Variants in NAV2 observed in about 807,000 individuals in gnomAD.
NAV2 encodes helicase, APC down-regulated 1.
NAV2 carries 54 observed loss-of-function variants against 223.2 expected under a neutral mutation model. The observed-to-expected ratio is 0.24, with a 90% confidence interval of 0.19 to 0.30. The LOEUF is 0.30. NAV2 is among the 10% of genes least tolerant of loss of function. The pLI is 1.00. For synonymous variants in NAV2, 1,279 were observed against 1,239.3 expected (o/e 1.03, Z -0.67); for missense variants, 2,806 against 3,147.5 (o/e 0.89, Z 2.60).
intron 1 of NAV2, among the ~76,000 whole-genome samples, chr11:19,779,082 T>G (rs1365867125): frequency 6.6e-6 from 1 of 152,212 alleles, no homozygotes; most frequent in Non-Finnish European, 1.5e-5. Flanking sequence ...GCTGCCCGTT[T>G]AGTCTATGGA....
intron 1 of NAV2, among the ~76,000 whole-genome samples, chr11:19,376,809 A>G (rs1022934919): frequency 2.0e-5 from 3 of 152,338 alleles, no homozygotes; most frequent in Admixed American, 2.0e-4. Flanking sequence ...AGCTCAGAGT[A>G]AGGGAAGGCT....
intron 22 of NAV2, among the ~76,000 whole-genome samples, chr11:20,076,865 A>G (rs2059788698): frequency 6.6e-6 from 1 of 152,242 alleles, no homozygotes; most frequent in African/African-American, 2.4e-5. Flanking sequence ...ATCTTATGTC[A>G]TATTCTAACA....
chr11:19,985,929 T>C (rs2050758426), intron 11 of NAV2, among the ~76,000 whole-genome samples: 1 of 126,250 alleles, frequency 7.9e-6, no homozygotes, highest in African/African-American at 2.7e-5. Context: ...AAAATCTTTA[T>C]AGTAAATAAT....
chr11:19,644,472 C>T (rs1281012129), intron 1 of NAV2, among the ~76,000 whole-genome samples: 2 of 152,210 alleles, frequency 1.3e-5, no homozygotes, highest in Admixed American at 1.3e-4. Context: ...GTGGTAGAGG[C>T]CTTTTGACTG....
At chr11:19,394,010 G>A (rs2729860) in intron 1 of NAV2, among the ~76,000 whole-genome samples, 3,122 of 150,490 alleles carry the variant, frequency 0.021, 92 homozygotes, top group African/African-American at 0.072. Flanking sequence ...AACCTGGAAC[G>A]TTTTCAGAGG....
At chr11:19,945,998 AG>A (rs1299217031) in intron 8 of NAV2, among the ~76,000 whole-genome samples, 1 of 152,262 alleles carries the variant, frequency 6.6e-6, no homozygotes, top group Non-Finnish European at 1.5e-5. Context: ...GGCCTAAGAT[AG>A]CTGCATATAT....
chr11:19,941,962 T>C (rs932656771), intron 8 of NAV2, among the ~76,000 whole-genome samples: 1 of 152,202 alleles, frequency 6.6e-6, no homozygotes, highest in Non-Finnish European at 1.5e-5. Flanking sequence ...ATTTTTTCCA[T>C]GGTCCTTTTG....
At position 20,118,087 on chromosome 11, in the gene NAV2, G is replaced by A. The variant is rs767803525; in HGVS notation, c.7165-46G>A. 1.1e-5 allele frequency: 17 copies of A among 1,587,824 alleles called. No homozygotes were observed. In the South Asian group the frequency reaches 1.3e-4, roughly 12 times the overall value. Reference sequence around the variant, plus strand: ...ACCTTTTAGGAGTCCAGGGTGGGCGGCCAACTAGACAGAAAGCAGCTCATG... The same window carrying A: ...ACCTTTTAGGAGTCCAGGGTGGGCGACCAACTAGACAGAAAGCAGCTCATG... On this transcript the variant is annotated intron_variant, in intron 37 of 37. Coordinates refer to ENST00000349880, the MANE Select transcript of NAV2 (RefSeq NM_145117.5).
chr11:19,880,696 T>C lies in NAV2; in HGVS notation c.770+569T>C, dbSNP rs2063148049. Among the ~76,000 whole-genome samples the C allele has an allele frequency of 7.2e-5, 11 of 151,930 alleles. 1 individual carries two copies. The highest frequency in any genetic ancestry group is 7.2e-4 in the Admixed American group (11 of 15,242). ...TGGGGAGAGTCCCACAATGCAGGAGTAATCTGCAGGGTTGGGGTCTGGATT... is the reference window on the plus strand; with the variant it reads ...TGGGGAGAGTCCCACAATGCAGGAGCAATCTGCAGGGTTGGGGTCTGGATT... On this transcript the variant is annotated intron_variant, in intron 5 of 37. Transcript: ENST00000349880.
chr11:19,887,385 A>G (rs1002693917), intron 5 of NAV2, among the ~76,000 whole-genome samples: 24 of 152,006 alleles, frequency 1.6e-4, no homozygotes, highest in African/African-American at 5.8e-4. Flanking sequence ...GCAGAGAAGC[A>G]TAGTGGATAT....
At chr11:19,408,741 G>T (rs1390746574) in intron 1 of NAV2, among the ~76,000 whole-genome samples, 1 of 152,126 alleles carries the variant, frequency 6.6e-6, no homozygotes, top group Non-Finnish European at 1.5e-5. Flanking sequence ...TCTGCCCAAG[G>T]TCACTGCCAG....
intron 1 of NAV2, among the ~76,000 whole-genome samples, chr11:19,399,374 G>A (rs182908463): frequency 1.3e-5 from 2 of 152,292 alleles, no homozygotes; most frequent in Middle Eastern, 3.4e-3. Context: ...TAATGCAGGC[G>A]CCTTCCTTCT....
intron 1 of NAV2, among the ~76,000 whole-genome samples, chr11:19,697,301 T>C (rs183032209): frequency 1.4e-3 from 220 of 152,224 alleles, no homozygotes; most frequent in Middle Eastern, 6.8e-3. Context: ...GAGGTGGGCA[T>C]GGGCTGAAGA....
chr11:19,409,632 T>C (rs1850055043), intron 1 of NAV2, among the ~76,000 whole-genome samples: 1 of 152,206 alleles, frequency 6.6e-6, no homozygotes, highest in Admixed American at 6.5e-5. Context: ...TTCATTCCTT[T>C]GGCAAATATC....
chr11:20,020,771 C>T (rs1455991116), intron 11 of NAV2, among the ~76,000 whole-genome samples: 2 of 152,140 alleles, frequency 1.3e-5, no homozygotes, highest in Admixed American at 1.3e-4. Context: ...TATCCTCTCT[C>T]CCTCAGAGTA....
chr11:19,612,696 A>G (rs186374039), intron 1 of NAV2, among the ~76,000 whole-genome samples: 1 of 152,312 alleles, frequency 6.6e-6, no homozygotes, highest in East Asian at 1.9e-4. Context: ...CTTATTGTCC[A>G]TATGGCTATC....
At chr11:19,476,707 C>G (rs2042127144) in intron 1 of NAV2, among the ~76,000 whole-genome samples, 1 of 152,236 alleles carries the variant, frequency 6.6e-6, no homozygotes, top group Non-Finnish European at 1.5e-5. Flanking sequence ...TGATGTGCAT[C>G]TGTTTCCCAA....
chr11:20,026,424 T>C (rs1018989046), intron 11 of NAV2, among the ~76,000 whole-genome samples: 25 of 152,178 alleles, frequency 1.6e-4, no homozygotes, highest in Admixed American at 2.6e-4. Context: ...CATTCTCCTG[T>C]CTCAGCCTCC....
intron 1 of NAV2, among the ~76,000 whole-genome samples, chr11:19,491,766 A>C (rs1407605655): frequency 1.3e-5 from 2 of 152,240 alleles, no homozygotes; most frequent in African/African-American, 4.8e-5. Flanking sequence ...TGTTTTGTGC[A>C]AAAAGCCTAT....
Sources: allele counts gnomAD v4.1 joint callset (sites outside exome capture counted in the v4.1 genomes callset), GRCh38; gene constraint gnomAD v4.1.1; transcripts MANE v1.5; gene names NCBI Gene and HGNC (gene_info 2026-07-23, HGNC 2026-07-21).